Variants in CDC42BPA observed in about 807,000 individuals in gnomAD.
CDC42BPA encodes the protein CDC42 binding protein kinase alpha.
In CDC42BPA, 80 loss-of-function variants were observed where a neutral mutation model predicts 223.5. That is an observed-to-expected ratio of 0.36 (90% CI 0.30 to 0.43). CDC42BPA has a LOEUF of 0.43. Among genes scored for constraint, CDC42BPA ranks in the 20% least tolerant of loss-of-function variants. CDC42BPA has a pLI of 1.00. For synonymous variants in CDC42BPA, 694 were observed against 718.6 expected, an observed-to-expected ratio of 0.97 and a Z score of 0.55; for missense variants, 1,743 against 2,099.9, an observed-to-expected ratio of 0.83 and a Z score of 3.32.
intron 1 of CDC42BPA, among the ~76,000 whole-genome samples, chr1:227,281,669 CCCAACCACTAG>C (rs138353529): frequency 0.021 from 3,174 of 152,244 alleles, 127 homozygotes; most frequent in African/African-American, 0.073. Context: ...TGAGAACCCT[CCCAACCACTAG>C]CCTGAGTTAG....
intron 24 of CDC42BPA, among the ~76,000 whole-genome samples, chr1:227,039,599 G>A (rs771936283): frequency 4.6e-5 from 7 of 151,994 alleles, no homozygotes; most frequent in Admixed American, 6.6e-5. Flanking sequence ...CAGAATGTGC[G>A]CTCTATGAGG....
At chr1:227,007,294 A>G (rs567847772) in intron 34 of CDC42BPA, among the ~76,000 whole-genome samples, 2 of 152,248 alleles carry the variant, frequency 1.3e-5, no homozygotes, top group African/African-American at 2.4e-5. Flanking sequence ...AATCACACAG[A>G]TAGTAATAGC....
intron 1 of CDC42BPA, among the ~76,000 whole-genome samples, chr1:227,276,677 T>C (rs539483322): frequency 6.6e-6 from 1 of 152,370 alleles, no homozygotes; most frequent in East Asian, 1.9e-4. Context: ...AGATTGTTGC[T>C]GTGTCTGTGT....
intron 1 of CDC42BPA, among the ~76,000 whole-genome samples, chr1:227,280,316 C>T (rs762905886): frequency 1.3e-5 from 2 of 152,126 alleles, no homozygotes; most frequent in African/African-American, 2.4e-5. Context: ...TTCTTTTGCC[C>T]TCTTTCAAGA....
rs144621200 is a variant in CDC42BPA at position 227,252,600 on chromosome 1, A to C, written c.270+1464T>G. 1.6e-4 allele frequency among the ~76,000 whole-genome samples: 25 copies of C among 152,306 alleles called. No individual in the cohort carries two copies. In the East Asian group the frequency reaches 4.8e-3, roughly 29 times the overall value. On this transcript the variant is annotated intron_variant, in intron 2 of 36. Coordinates refer to ENST00000366766, the MANE Select transcript of CDC42BPA (RefSeq NM_001394014.1). ...ATTCGAAGTAGGAAAATTACAGGCC[A>C]ATTTATCTGAAGAACACAGGTGCAA...
At position 227,153,779 on chromosome 1, in the gene CDC42BPA, A is replaced by T. The variant is rs116277407; in HGVS notation, c.694-6220T>A. ...GCAAAACAAAATAAAATAGAAGAAA[A>T]CAAAACTTCACCCAGGCTAAGGTGA... On this transcript the variant is annotated intron_variant, in intron 6 of 36. Transcript: ENST00000366766. 6.0e-3 allele frequency among the ~76,000 whole-genome samples: 912 copies of T among 152,052 alleles called. 10 individuals carry two copies. Among genetic ancestry groups the T allele is most frequent in the African/African-American group, 0.021 (859 of 41,570 alleles).
In CDC42BPA at chr1:227,294,859, C is replaced by CAAAAA. The variant is rs397983087; in HGVS notation, c.178+22141_178+22145dup. ...TGGGCGACAGAGCGAGACTCCGTCT[C>CAAAAA]AAAAAAAAAAAAAAAAAAAAAAAAA... On this transcript the variant is annotated intron_variant, in intron 1 of 36. Coordinates refer to ENST00000366766, the MANE Select transcript of CDC42BPA (RefSeq NM_001394014.1). Among the ~76,000 whole-genome samples the CAAAAA allele has an allele frequency of 2.5e-3, 32 of 12,818 alleles. 8 individuals carry two copies. The highest frequency in any genetic ancestry group is 9.3e-3 in the South Asian group (2 of 214). The allele number at this position is 12,818 out of a possible 152,430, so 8.4% of individuals were successfully genotyped here.
chr1:227,197,001 T>C (rs985958662), intron 4 of CDC42BPA, among the ~76,000 whole-genome samples: 1 of 152,194 alleles, frequency 6.6e-6, no homozygotes, highest in Non-Finnish European at 1.5e-5. Context: ...CACATAATAA[T>C]ATCTACCATT....
chr1:227,190,789 G>A (rs1342012125), intron 5 of CDC42BPA, among the ~76,000 whole-genome samples: 1 of 152,064 alleles, frequency 6.6e-6, no homozygotes, highest in Non-Finnish European at 1.5e-5. Context: ...ACATTTTAAG[G>A]AGCACATTAA....
rs550006962 is a variant in CDC42BPA, at chr1:227,239,292, C to T, written c.270+14772G>A. On this transcript the variant is annotated intron_variant, in intron 2 of 36. Coordinates refer to ENST00000366766, the MANE Select transcript of CDC42BPA (RefSeq NM_001394014.1). ...GGGAGAAATGAATAAACAGACAGAG[C>T]ACAGAAGATTTCTAGGGCAGTGGAA... Among the ~76,000 whole-genome samples the T allele has an allele frequency of 2.0e-5, 3 of 152,230 alleles. No individual in the cohort carries two copies. The South Asian group carries it at 6.2e-4, about 32-fold the overall frequency.
intron 16 of CDC42BPA, among the ~76,000 whole-genome samples, chr1:227,090,705 G>A (rs1394123333): frequency 6.6e-6 from 1 of 152,188 alleles, no homozygotes; most frequent in African/African-American, 2.4e-5. Flanking sequence ...CAGCAACTCA[G>A]GAGGCTGAGG....
Position 227,035,615 on chromosome 1 carries a change from A to G in CDC42BPA, c.3200-8T>C, listed in dbSNP as rs1670061796. ...GGCATGAGAATCCACACACTTTTAG[A>G]GGGAAAAAAGAAACGTTTGATAAAA... On this transcript the variant is annotated splice_polypyrimidine_tract_variant and splice_region_variant and intron_variant, in intron 24 of 36. Transcript: ENST00000366766. The G allele has an allele frequency of 1.9e-6, 3 of 1,564,736 alleles. No homozygotes were observed. The highest frequency in any genetic ancestry group is 2.6e-6 in the Non-Finnish European group (3 of 1,165,472).
chr1:227,032,607 C>T (rs1669488548), intron 27 of CDC42BPA, among the ~76,000 whole-genome samples: 1 of 152,166 alleles, frequency 6.6e-6, no homozygotes, highest in Non-Finnish European at 1.5e-5. Context: ...TCATGACTTG[C>T]TTTGACCAAC....
intron 14 of CDC42BPA, among the ~76,000 whole-genome samples, 161 bp from the exon 15 acceptor site, chr1:227,101,400 T>C (rs578068058): frequency 2.0e-4 from 30 of 148,046 alleles, no homozygotes; most frequent in African/African-American, 6.2e-4. Flanking sequence ...TTGCCTGCCA[T>C]ATATTGCAAA....
chr1:227,192,526 G>A (rs1412587523), intron 5 of CDC42BPA, among the ~76,000 whole-genome samples: 1 of 152,178 alleles, frequency 6.6e-6, no homozygotes, highest in Non-Finnish European at 1.5e-5. Context: ...TAACTTGGCA[G>A]TATCCCTTTA....
At chr1:227,063,302 C>A (rs1041914332) in intron 21 of CDC42BPA, among the ~76,000 whole-genome samples, 3 of 152,004 alleles carry the variant, frequency 2.0e-5, no homozygotes, top group Non-Finnish European at 4.4e-5. Context: ...ACATGTATTT[C>A]ATATATAGGT....
At chr1:227,025,230 G>A (rs148213705) in intron 31 of CDC42BPA, among the ~76,000 whole-genome samples, 1,828 of 152,214 alleles carry the variant, frequency 0.012, 21 homozygotes, top group African/African-American at 0.035. Flanking sequence ...ATGACAGAGC[G>A]AGACCCTGTC....
intron 34 of CDC42BPA, among the ~76,000 whole-genome samples, chr1:227,006,337 A>C (rs577294499): frequency 2.0e-5 from 3 of 152,268 alleles, no homozygotes; most frequent in Admixed American, 2.0e-4. Context: ...GGTGTGCCAT[A>C]AAGGCAGCAT....
intron 1 of CDC42BPA, among the ~76,000 whole-genome samples, chr1:227,272,329 T>A (rs1452823360): frequency 2.0e-4 from 30 of 152,108 alleles, no homozygotes; most frequent in Admixed American, 2.0e-3. Context: ...TTTATGTTCT[T>A]TGGATGGGGA....
Sources: gnomAD v4.1 joint callset for allele counts (sites outside exome capture counted in the v4.1 genomes callset) on GRCh38, gnomAD v4.1.1 for gene constraint, MANE v1.5 for transcripts, NCBI Gene and HGNC (gene_info 2026-07-23, HGNC 2026-07-21) for gene names.